SLC44A5: variants seen among roughly 807,000 people sequenced by gnomAD.
The protein encoded by SLC44A5 is solute carrier family 44 member 5, also known as choline transporter-like protein 5.
In SLC44A5, 57 loss-of-function variants were observed where a neutral mutation model predicts 101.8. That is an observed-to-expected ratio of 0.56 (90% CI 0.45 to 0.70). SLC44A5 has a LOEUF of 0.70. Among genes scored for constraint, SLC44A5 ranks in the 30% least tolerant of loss-of-function variants. SLC44A5 has a pLI of 0.00. For missense variants in SLC44A5, 737 were observed against 853.1 expected, an observed-to-expected ratio of 0.86 and a Z score of 1.70; for synonymous variants, 281 against 290.9, an observed-to-expected ratio of 0.97 and a Z score of 0.35.
chr1:75,577,069 C>T (rs116675282), intron 1 of SLC44A5, among the ~76,000 whole-genome samples: 1,737 of 152,286 alleles, frequency 0.011, 42 homozygotes, highest in African/African-American at 0.04. Context: ...CTCATTGACT[C>T]TTCTCTTTCA....
the SLC44A5 span, among the ~76,000 whole-genome samples, chr1:75,666,826 T>C: frequency 1.3e-5 from 2 of 152,228 alleles, no homozygotes; most frequent in Non-Finnish European, 2.9e-5. Flanking sequence ...ACAGAACCCA[T>C]GACAGAAACC....
chr1:75,305,924 A>G (rs1654864244), intron 4 of SLC44A5, among the ~76,000 whole-genome samples: 1 of 152,218 alleles, frequency 6.6e-6, no homozygotes, highest in African/African-American at 2.4e-5. Flanking sequence ...ACTATATTTA[A>G]TCTATTATAG....
At chr1:75,583,424 G>A (rs907434265) in intron 1 of SLC44A5, among the ~76,000 whole-genome samples, 34 of 151,956 alleles carry the variant, frequency 2.2e-4, no homozygotes, top group African/African-American at 7.3e-4. Context: ...TTATCTGACC[G>A]CTCAGAATCA....
chr1:75,366,386 T>C (rs1386686859), intron 3 of SLC44A5, among the ~76,000 whole-genome samples: 2 of 152,180 alleles, frequency 1.3e-5, no homozygotes, highest in Non-Finnish European at 2.9e-5. Context: ...AAGAAACCCA[T>C]TGGCAGCCTC....
intron 7 of SLC44A5, among the ~76,000 whole-genome samples, chr1:75,245,208 C>T (rs1648999332): frequency 6.6e-6 from 1 of 152,128 alleles, no homozygotes; most frequent in African/African-American, 2.4e-5. Flanking sequence ...ACATGTATTT[C>T]CTCTTTCTTA....
chr1:75,203,944 T>TG (rs1646705413), intron 23 of SLC44A5, 111 bp from the exon 24 acceptor site: 36 of 1,313,232 alleles, frequency 2.7e-5, no homozygotes, highest in South Asian at 3.8e-5. Flanking sequence ...TTTGTTGTTT[T>TG]TTTTTTGTTG....
At chr1:75,461,333 G>A (rs1666484937) in intron 2 of SLC44A5, among the ~76,000 whole-genome samples, 1 of 152,120 alleles carries the variant, frequency 6.6e-6, no homozygotes, top group Non-Finnish European at 1.5e-5. Flanking sequence ...CTTTCTCCCT[G>A]TAAGATAATA....
At chr1:75,391,779 C>A (rs1661806086) in intron 3 of SLC44A5, among the ~76,000 whole-genome samples, 1 of 152,044 alleles carries the variant, frequency 6.6e-6, no homozygotes, top group African/African-American at 2.4e-5. Flanking sequence ...ACTAGAACAC[C>A]ACCTAGGAAA....
At chr1:75,211,384 C>T in intron 23 of SLC44A5, 84 bp downstream of exon 23, 1 of 1,062,828 alleles carries the variant, frequency 9.4e-7, no homozygotes, top group South Asian at 1.4e-5. Flanking sequence ...AGCAGATCCC[C>T]AAGCCAGCTA....
chr1:75,276,835 T>C (rs549413786), intron 5 of SLC44A5, among the ~76,000 whole-genome samples: 1 of 152,020 alleles, frequency 6.6e-6, no homozygotes, highest in South Asian at 2.1e-4. Flanking sequence ...TGTTAATGAG[T>C]GGAATACTGT....
At chr1:75,237,402 A>G (rs928745124) in intron 10 of SLC44A5, among the ~76,000 whole-genome samples, 1 of 152,064 alleles carries the variant, frequency 6.6e-6, no homozygotes, top group Non-Finnish European at 1.5e-5. Context: ...AATTTGCAAA[A>G]CCCATAGTCA....
chr1:75,457,543 G>A (rs888845442), intron 2 of SLC44A5, among the ~76,000 whole-genome samples: 2 of 152,106 alleles, frequency 1.3e-5, no homozygotes, highest in African/African-American at 4.8e-5. Flanking sequence ...GCTAGGTTGT[G>A]CAATATTCAA....
chr1:75,509,124 C>T (rs1003224065), intron 2 of SLC44A5, among the ~76,000 whole-genome samples: 5 of 152,288 alleles, frequency 3.3e-5, no homozygotes, highest in East Asian at 1.9e-4. Flanking sequence ...TATCCACAGA[C>T]CATGCCCCAC....
the SLC44A5 span, among the ~76,000 whole-genome samples, chr1:75,663,593 A>G: frequency 1.3e-5 from 2 of 152,120 alleles, no homozygotes; most frequent in Non-Finnish European, 2.9e-5. Flanking sequence ...AGACATACAC[A>G]ATCTCCTTGA....
intron 13 of SLC44A5, among the ~76,000 whole-genome samples, chr1:75,224,763 T>C (rs1647162235): frequency 7.8e-6 from 1 of 127,476 alleles, no homozygotes; most frequent in Non-Finnish European, 1.7e-5. Flanking sequence ...CAAAACATAT[T>C]GGAAGTAAAA....
chr1:75,329,018 A>G (rs774473597), intron 4 of SLC44A5, among the ~76,000 whole-genome samples: 8 of 152,274 alleles, frequency 5.3e-5, no homozygotes, highest in Middle Eastern at 3.4e-3. Flanking sequence ...AAAACTACCT[A>G]TTGGATACTA....
chr1:75,693,454 T>C, the SLC44A5 span, among the ~76,000 whole-genome samples: 1 of 152,204 alleles, frequency 6.6e-6, no homozygotes, highest in African/African-American at 2.4e-5. Flanking sequence ...TTTGTTCACC[T>C]GGCCTTACTT....
chr1:75,687,231 T>C, the SLC44A5 span, among the ~76,000 whole-genome samples: 32 of 152,278 alleles, frequency 2.1e-4, 1 homozygote, highest in South Asian at 6.6e-3. Context: ...ACCAGCACCA[T>C]GACAGTTACA....
chr1:75,210,425 G>C (rs998280879), intron 23 of SLC44A5, among the ~76,000 whole-genome samples: 1 of 152,114 alleles, frequency 6.6e-6, no homozygotes, highest in African/African-American at 2.4e-5. Context: ...TCATGTATAA[G>C]TCAGTGATGA....
Sources: gnomAD v4.1 joint callset for allele counts (sites outside exome capture counted in the v4.1 genomes callset) on GRCh38, gnomAD v4.1.1 for gene constraint, MANE v1.5 for transcripts, NCBI Gene and HGNC (gene_info 2026-07-23, HGNC 2026-07-21) for gene names.